The following TENM2 variants were observed in gnomAD, a reference collection of about 807,000 sequenced individuals.
TENM2 encodes teneurin-2.
TENM2 carries 52 observed loss-of-function variants against 245.2 expected under a neutral mutation model. The observed-to-expected ratio is 0.21, with a 90% CI of 0.17 to 0.27. The LOEUF is 0.27. Ranked by LOEUF, TENM2 falls within the 10% of genes least tolerant of loss-of-function variation. The pLI, the probability that TENM2 is intolerant of heterozygous loss-of-function variation, is 1.00. For missense variants in TENM2, 3,046 were observed against 3,666.8 expected (o/e 0.83, Z 4.37); for synonymous variants, 1,363 against 1,438.9 (o/e 0.95, Z 1.19).
At chr5:167,321,522 C>G (rs1295391265) in intron 1 of TENM2, among the ~76,000 whole-genome samples, 2 of 152,088 alleles carry the variant, frequency 1.3e-5, no homozygotes, top group Non-Finnish European at 2.9e-5. Context: ...ATGAATTTGT[C>G]TGCTCTAACG....
At chr5:167,763,456 A>G (rs1256394695) in intron 2 of TENM2, among the ~76,000 whole-genome samples, 1 of 152,200 alleles carries the variant, frequency 6.6e-6, no homozygotes, top group African/African-American at 2.4e-5. Flanking sequence ...ACCATCTGAG[A>G]TACTGAGCCA....
rs1758192961 is a variant in TENM2, at chr5:167,342,722, T to C, written c.227-32476T>C. On this transcript the variant is annotated intron_variant, in intron 1 of 28. Coordinates refer to ENST00000518659, the Ensembl canonical transcript of TENM2. ...TTTTGTATTTTTAGTAGAGACGGGG[T>C]TTCACCTTGTTAGCCAGGATGGTCT... 2.6e-5 allele frequency among the ~76,000 whole-genome samples: 4 copies of C among 151,802 alleles called. No homozygotes were observed. The South Asian group carries it at 8.3e-4, about 31-fold the overall frequency.
intron 1 of TENM2, among the ~76,000 whole-genome samples, chr5:167,327,392 C>T (rs1181280723): frequency 6.6e-6 from 1 of 152,162 alleles, no homozygotes; most frequent in African/African-American, 2.4e-5. Context: ...ATGCCTGGCT[C>T]TTGCTCTTAA....
chr5:167,269,327 G>C, the TENM2 span, among the ~76,000 whole-genome samples: 1 of 151,998 alleles, frequency 6.6e-6, no homozygotes, highest in Non-Finnish European at 1.5e-5. Context: ...GCTCTTTAAT[G>C]CTGGGTTCTG....
In TENM2 at chr5:167,445,336, T is replaced by TAGAGAGAGAGAG. The variant is rs1554154174; in HGVS notation, c.502+69886_502+69897dup. Among the ~76,000 whole-genome samples the TAGAGAGAGAGAG allele has an allele frequency of 6.4e-3, 498 of 77,222 alleles. 3 individuals carry two copies. The highest frequency in any genetic ancestry group is 9.1e-3 in the Non-Finnish European group (372 of 41,092). The allele number at this position is 77,222 out of a possible 152,430, so 50.7% of individuals were successfully genotyped here. A position where few individuals can be genotyped will look rare whatever the true frequency, so the allele number is the denominator to read the frequency against. On this transcript the variant is annotated intron_variant, in intron 2 of 28. Coordinates refer to ENST00000518659, the Ensembl canonical transcript of TENM2. The stretch of plus-strand genomic sequence containing the variant: ...TTATATATATATATATATATATATA[T>TAGAGAGAGAGAG]AGAGAGAGAGAGAGAGAGAGAGAGA...
the TENM2 span, among the ~76,000 whole-genome samples, chr5:167,248,330 G>A: frequency 6.6e-6 from 1 of 152,130 alleles, no homozygotes; most frequent in Non-Finnish European, 1.5e-5. Context: ...CAAAATGTGA[G>A]TGTGCGTTGT....
At chr5:167,411,543 T>C (rs577023849) in intron 2 of TENM2, among the ~76,000 whole-genome samples, 1 of 151,622 alleles carries the variant, frequency 6.6e-6, no homozygotes, top group African/African-American at 2.4e-5. Context: ...TGTGTCTGTG[T>C]TTGTGTGTGC....
At chr5:167,813,657 C>T (rs1404548306) in intron 2 of TENM2, among the ~76,000 whole-genome samples, 1 of 152,136 alleles carries the variant, frequency 6.6e-6, no homozygotes, top group African/African-American at 2.4e-5. Context: ...AGTCAGCAGC[C>T]TGAGCAATCA....
chr5:168,261,448 A>G (rs1399847193), intron 28 of TENM2, among the ~76,000 whole-genome samples: 1 of 152,220 alleles, frequency 6.6e-6, no homozygotes, highest in Non-Finnish European at 1.5e-5. Context: ...CCTCTGACTC[A>G]GTAGTTCTGG....
intron 2 of TENM2, among the ~76,000 whole-genome samples, chr5:167,644,199 T>C (rs1422691464): frequency 6.6e-6 from 1 of 152,184 alleles, no homozygotes; most frequent in Non-Finnish European, 1.5e-5. Context: ...CCAGTACACA[T>C]GTTGAATAAA....
At chr5:168,194,768 G>A (rs1761249500) in intron 14 of TENM2, among the ~76,000 whole-genome samples, 1 of 152,020 alleles carries the variant, frequency 6.6e-6, no homozygotes, top group Admixed American at 6.6e-5. Flanking sequence ...CTCTAGAAGA[G>A]TAACATGGCC....
chr5:167,623,959 T>C (rs753227778), intron 2 of TENM2, among the ~76,000 whole-genome samples: 1 of 152,178 alleles, frequency 6.6e-6, no homozygotes, highest in Non-Finnish European at 1.5e-5. Context: ...AGAACTCTTA[T>C]ACGCTGTTGG....
chr5:167,587,189 T>A (rs1049056989), intron 2 of TENM2, among the ~76,000 whole-genome samples: 1 of 152,200 alleles, frequency 6.6e-6, no homozygotes. Flanking sequence ...TCACTGAGGT[T>A]TCATTGGGTT....
chr5:168,234,216 G>C (rs923804898), intron 25 of TENM2, among the ~76,000 whole-genome samples: 2 of 152,088 alleles, frequency 1.3e-5, no homozygotes. Flanking sequence ...TCACAGCTAA[G>C]TGAACCCAGA....
chr5:167,706,848 T>C (rs182144373), intron 2 of TENM2, among the ~76,000 whole-genome samples: 2 of 151,722 alleles, frequency 1.3e-5, no homozygotes, highest in African/African-American at 4.8e-5. Context: ...GCCCCGTCTC[T>C]ACTAAAAATA....
At chr5:168,173,224 C>T (rs1759012754) in intron 13 of TENM2, among the ~76,000 whole-genome samples, 6 of 152,098 alleles carry the variant, frequency 3.9e-5, no homozygotes, top group Admixed American at 3.9e-4. Flanking sequence ...TATAGAGTCC[C>T]CGGCAGCTGC....
chr5:167,536,551 C>T (rs764783342), intron 2 of TENM2, among the ~76,000 whole-genome samples: 10 of 152,112 alleles, frequency 6.6e-5, no homozygotes, highest in Non-Finnish European at 1.2e-4. Flanking sequence ...GGATCATGTA[C>T]TATAGTTTTC....
the TENM2 span, among the ~76,000 whole-genome samples, chr5:167,239,072 C>T: frequency 3.3e-5 from 5 of 152,124 alleles, no homozygotes; most frequent in Admixed American, 3.3e-4. Context: ...AATAAATCCC[C>T]CAAAACAACA....
chr5:167,594,649 C>T (rs934606632), intron 2 of TENM2, among the ~76,000 whole-genome samples: 6 of 152,128 alleles, frequency 3.9e-5, no homozygotes, highest in African/African-American at 7.2e-5. Flanking sequence ...GTAATGTAAT[C>T]GCAATTTTGA....
Sources: gnomAD v4.1 joint callset for allele counts (sites outside exome capture counted in the v4.1 genomes callset) on GRCh38, gnomAD v4.1.1 for gene constraint, MANE v1.5 for transcripts, NCBI Gene and HGNC (gene_info 2026-07-23, HGNC 2026-07-21) for gene names.